Variants in NXPE4 observed in about 807,000 individuals in gnomAD.
NXPE4 encodes the protein neurexophilin and PC-esterase domain family member 4.
NXPE4 carries 42 observed loss-of-function variants against 33.3 expected under a neutral mutation model. That is an observed-to-expected ratio of 1.26 (90% CI 0.98 to 1.63). NXPE4 has a LOEUF of 1.63. Among genes scored for constraint, NXPE4 ranks in the 40% most tolerant of loss-of-function variants. The pLI is 0.00. For missense variants in NXPE4, 709 were observed against 647.6 expected (o/e 1.09, Z -1.03); for synonymous variants, 253 against 234.9 (o/e 1.08, Z -0.71).
chr11:114,579,604 T>A (rs1028918230), intron 5 of NXPE4, among the ~76,000 whole-genome samples: 2 of 152,172 alleles, frequency 1.3e-5, no homozygotes, highest in Non-Finnish European at 2.9e-5. Flanking sequence ...CAAAGAGAAG[T>A]TATGTAAGAA....
chr11:114,599,588 G>A (rs1442215871), upstream of NXPE4, among the ~76,000 whole-genome samples: 4 of 152,264 alleles, frequency 2.6e-5, no homozygotes, highest in South Asian at 4.1e-4. Flanking sequence ...GGTTCCACAG[G>A]CTATACAGGG....
chr11:114,643,596 G>A, the NXPE4 span, among the ~76,000 whole-genome samples: 3 of 151,988 alleles, frequency 2.0e-5, no homozygotes, highest in South Asian at 2.1e-4. Flanking sequence ...TGAGGCCTGT[G>A]TTCTGTTCCA....
At chr11:114,621,348 C>T in the NXPE4 span, among the ~76,000 whole-genome samples, 32 of 152,170 alleles carry the variant, frequency 2.1e-4, no homozygotes, top group East Asian at 4.3e-3. Context: ...AGTGTTGCCT[C>T]GTTAGTAAAT....
chr11:114,582,649 C>T lies in NXPE4; in HGVS notation c.469G>A (p.Asp157Asn). The change falls in exon 3 of 6, where the codon GAC (aspartate) becomes AAC (asparagine). Residue 157 changes from aspartate to asparagine, a missense_variant. Asp to Asn is a conservative substitution (Grantham distance 23, BLOSUM62 1). Transcript: ENST00000375478. ...ACCAGGTAGGTGCCGTTGTTGAAGT[C>T]AGTCACCTTTCCTGAAGCACCTGCC... ...LMAGASGKVT[D>N]FNNGTYLVSF... The T allele has an allele frequency of 6.2e-7, 1 of 1,614,196 alleles. No homozygotes were observed.
chr11:114,659,413 A>G, the NXPE4 span, among the ~76,000 whole-genome samples: 1 of 141,298 alleles, frequency 7.1e-6, no homozygotes, highest in Non-Finnish European at 1.6e-5. Context: ...GGATAGGTCA[A>G]TGAAAATTAT....
the NXPE4 span, among the ~76,000 whole-genome samples, chr11:114,652,679 G>A: frequency 1.3e-5 from 2 of 152,170 alleles, no homozygotes; most frequent in South Asian, 4.1e-4. Context: ...AGAGGTAATT[G>A]AAGCAAAGAA....
the NXPE4 span, among the ~76,000 whole-genome samples, chr11:114,662,232 GA>G: frequency 1.4e-5 from 1 of 69,940 alleles, no homozygotes; most frequent in African/African-American, 4.1e-5. Context: ...GCACTGGGGA[GA>G]GAGAGAGAGT....
chr11:114,632,730 A>T, the NXPE4 span, among the ~76,000 whole-genome samples: 1 of 47,450 alleles, frequency 2.1e-5, no homozygotes, highest in South Asian at 7.5e-4. Context: ...TATAATATAT[A>T]ATATATATAA....
the NXPE4 span, among the ~76,000 whole-genome samples, chr11:114,645,187 A>G: frequency 6.6e-6 from 1 of 152,042 alleles, no homozygotes; most frequent in Non-Finnish European, 1.5e-5. Flanking sequence ...TTATAATCTC[A>G]GCTACACAGA....
chr11:114,604,298 G>C, the NXPE4 span, among the ~76,000 whole-genome samples: 2 of 152,122 alleles, frequency 1.3e-5, no homozygotes, highest in Admixed American at 1.3e-4. Flanking sequence ...TGCCTCGTGG[G>C]TAACAATTCT....
At chr11:114,658,577 A>G in the NXPE4 span, among the ~76,000 whole-genome samples, 14 of 152,206 alleles carry the variant, frequency 9.2e-5, no homozygotes, top group Non-Finnish European at 1.8e-4. Context: ...CTAAAGTGTT[A>G]TGCTACTGGC....
chr11:114,676,737 C>T, the NXPE4 span, among the ~76,000 whole-genome samples: 3 of 151,988 alleles, frequency 2.0e-5, no homozygotes, highest in African/African-American at 7.2e-5. Flanking sequence ...CTGTATGATC[C>T]AGCAATCCCG....
chr11:114,639,273 G>C, the NXPE4 span, among the ~76,000 whole-genome samples: 1 of 151,338 alleles, frequency 6.6e-6, no homozygotes, highest in African/African-American at 2.4e-5. Flanking sequence ...CTCCGAGCCA[G>C]GTGCAGGATA....
chr11:114,624,785 A>G, the NXPE4 span, among the ~76,000 whole-genome samples: 1 of 152,094 alleles, frequency 6.6e-6, no homozygotes, highest in Non-Finnish European at 1.5e-5. Flanking sequence ...CCTCGTGGGT[A>G]AGCACTGTTA....
At position 114,576,103 on chromosome 11, in the gene NXPE4, G is replaced by A. The variant is rs114421116; in HGVS notation, c.1099+4029C>T. Among the ~76,000 whole-genome samples, 1,212 of 152,116 alleles carry A rather than the reference G, an allele frequency of 8.0e-3. 22 individuals are homozygous for A. The highest frequency in any genetic ancestry group is 0.026 in the African/African-American group (1,059 of 41,508). Reference sequence around the variant, plus strand: ...CAAACAAAAACATAAAGTAGGGGAAGAACACCCTGTTCAACAAATGGTGCT... The same window carrying A: ...CAAACAAAAACATAAAGTAGGGGAAAAACACCCTGTTCAACAAATGGTGCT... On this transcript the variant is annotated intron_variant, in intron 5 of 5. Coordinates refer to ENST00000375478, the MANE Select transcript of NXPE4 (RefSeq NM_001077639.2).
the NXPE4 span, among the ~76,000 whole-genome samples, chr11:114,656,883 G>A: frequency 1.1e-4 from 17 of 152,072 alleles, no homozygotes; most frequent in Middle Eastern, 3.2e-3. Context: ...ACAAGGTCAG[G>A]GGATCGAGAC....
chr11:114,593,941 G>A lies in NXPE4; in HGVS notation c.96+723C>T, dbSNP rs1244830635. On this transcript the variant is annotated intron_variant, in intron 2 of 5. Coordinates refer to ENST00000375478, the MANE Select transcript of NXPE4 (RefSeq NM_001077639.2). Reference sequence around the variant, plus strand: ...TAGGCACAGAAGACAAACTTTGCATGTTCGTTTTTATTTGTGGAAGTTAAT... The same window carrying A: ...TAGGCACAGAAGACAAACTTTGCATATTCGTTTTTATTTGTGGAAGTTAAT... Among the ~76,000 whole-genome samples the A allele has an allele frequency of 3.9e-5, 6 of 152,114 alleles. No individual in the cohort carries two copies. In the East Asian group the frequency reaches 1.2e-3, roughly 29 times the overall value.
chr11:114,632,485 C>T, the NXPE4 span, among the ~76,000 whole-genome samples: 1 of 122,072 alleles, frequency 8.2e-6, no homozygotes, highest in Non-Finnish European at 1.6e-5. Context: ...ATATAATACT[C>T]CATAATATAT....
chr11:114,601,862 C>G, the NXPE4 span, among the ~76,000 whole-genome samples: 66 of 10,054 alleles, frequency 6.6e-3, no homozygotes, highest in African/African-American at 0.033. Context: ...ATATAATATA[C>G]AATTATATAT....
Sources: gnomAD v4.1 joint callset for allele counts (sites outside exome capture counted in the v4.1 genomes callset) on GRCh38, gnomAD v4.1.1 for gene constraint, MANE v1.5 for transcripts, NCBI Gene and HGNC (gene_info 2026-07-23, HGNC 2026-07-21) for gene names.